Variants in TMTC4 observed in about 807,000 individuals in gnomAD.
TMTC4 encodes the protein protein O-mannosyl-transferase TMTC4.
TMTC4 carries 65 observed loss-of-function variants against 86.0 expected under a neutral mutation model. The ratio of observed to expected loss-of-function variants is 0.76; its 90% CI spans 0.62 to 0.93. The LOEUF is 0.93. Among genes scored for constraint, TMTC4 ranks in the 40% least tolerant of loss-of-function variants. TMTC4 has a pLI of 0.00. For missense variants in TMTC4, 866 were observed against 948.1 expected (o/e 0.91, Z 1.14); for synonymous variants, 379 against 382.5 (o/e 0.99, Z 0.11).
intron 2 of TMTC4, 107 bp from the exon 3 acceptor site, chr13:100,668,901 T>C: frequency 8.7e-7 from 1 of 1,152,042 alleles, no homozygotes; most frequent in Non-Finnish European, 1.2e-6. Flanking sequence ...TATGATTTTA[T>C]AGGATGTGAT....
intron 14 of TMTC4, 51 bp downstream of exon 14, chr13:100,625,734 T>C: frequency 2.5e-6 from 4 of 1,609,682 alleles, no homozygotes; most frequent in Non-Finnish European, 3.4e-6. Flanking sequence ...GATGCCGGAA[T>C]GCAGGAGCTC....
intron 17 of TMTC4, among the ~76,000 whole-genome samples, chr13:100,607,977 GGTTTCTGAGTCTCTGGGCT>G (rs1876931620): frequency 6.6e-6 from 1 of 152,080 alleles, no homozygotes; most frequent in Non-Finnish European, 1.5e-5. Flanking sequence ...GTTTCGCAGT[GGTTTCTGAGTCTCTGGGCT>G]GTTTCTGATG....
intron 15 of TMTC4, among the ~76,000 whole-genome samples, chr13:100,618,915 C>T (rs946904817): frequency 1.3e-5 from 2 of 152,212 alleles, no homozygotes; most frequent in Non-Finnish European, 1.5e-5. Context: ...GGCAACCATC[C>T]GATTTCTCAA....
intron 12 of TMTC4, among the ~76,000 whole-genome samples, chr13:100,630,019 C>CTGTGTG (rs377655969): frequency 1.5e-4 from 22 of 146,790 alleles, no homozygotes; most frequent in African/African-American, 5.2e-4. Flanking sequence ...GCCACCCAAT[C>CTGTGTG]TGTGTGTATG....
chr13:100,641,239 T>C (rs1040802409), intron 7 of TMTC4, among the ~76,000 whole-genome samples: 1 of 152,170 alleles, frequency 6.6e-6, no homozygotes, highest in African/African-American at 2.4e-5. Flanking sequence ...CTAGAAACAT[T>C]AGCACCATTA....
At chr13:100,645,567 T>G (rs1303369581) in intron 6 of TMTC4, among the ~76,000 whole-genome samples, 1 of 151,720 alleles carries the variant, frequency 6.6e-6, no homozygotes, top group Non-Finnish European at 1.5e-5. Context: ...GTGAGCCCCG[T>G]GCACCTCTCC....
rs114410939 is a variant in TMTC4, at chr13:100,605,434, T to C, written c.2135-292A>G. ...AAAAAGAAGAGTACATGCAATGTCTTAGTGCTGCCATGAAATTTCCAGGAA... is the reference window on the plus strand; with the variant it reads ...AAAAAGAAGAGTACATGCAATGTCTCAGTGCTGCCATGAAATTTCCAGGAA... On this transcript the variant is annotated intron_variant, in intron 18 of 18. Transcript: ENST00000342624. The surrounding 1 kb of genome is among the most constrained non-coding windows in gnomAD (Gnocchi z 4.3). Among the ~76,000 whole-genome samples the C allele has an allele frequency of 0.012, 1,841 of 152,256 alleles. 41 individuals are homozygous for C. The highest frequency in any genetic ancestry group is 0.041 in the African/African-American group (1,713 of 41,540).
intron 15 of TMTC4, among the ~76,000 whole-genome samples, chr13:100,619,664 T>C (rs564312747): frequency 6.6e-6 from 1 of 152,364 alleles, no homozygotes; most frequent in Admixed American, 6.5e-5. Context: ...GCTAAAGATG[T>C]TGTGGGAATT....
At chr13:100,643,316 C>T (rs538918378) in intron 6 of TMTC4, among the ~76,000 whole-genome samples, 2 of 152,344 alleles carry the variant, frequency 1.3e-5, no homozygotes, top group South Asian at 2.1e-4. Flanking sequence ...CTGGAACTCC[C>T]GGTCTGAATG....
In TMTC4 at chr13:100,603,715, C is replaced by T. The variant is rs7983121; in HGVS notation, c.*1279G>A. On this transcript the variant is annotated 3_prime_UTR_variant, in exon 19 of 19. Coordinates refer to ENST00000342624, the MANE Select transcript of TMTC4 (RefSeq NM_032813.5). ...ACACTACACAGACCTGCCCCCAACACGTGAGTCCAGAGAATCACATTCCTC... is the reference window on the plus strand; with the variant it reads ...ACACTACACAGACCTGCCCCCAACATGTGAGTCCAGAGAATCACATTCCTC... Among the ~76,000 whole-genome samples the T allele has an allele frequency of 6.6e-6, 1 of 152,216 alleles. No individual in the cohort carries two copies. The highest frequency in any genetic ancestry group is 1.5e-5 in the Non-Finnish European group (1 of 68,040).
At chr13:100,638,344 C>CT in intron 7 of TMTC4, 1 of 232,894 alleles carries the variant, frequency 4.3e-6, no homozygotes, top group Non-Finnish European at 8.4e-6. Flanking sequence ...CCCCTCCCCA[C>CT]TTTTTTTGGT....
At chr13:100,638,124 T>A (rs1246654314) in intron 7 of TMTC4, 102 bp from the exon 8 acceptor site, 1 of 827,510 alleles carries the variant, frequency 1.2e-6, no homozygotes, top group Non-Finnish European at 2.0e-6. Flanking sequence ...AAGGAACACA[T>A]AGACTAGAGA....
At chr13:100,631,717 A>C (rs1233292142) in intron 12 of TMTC4, among the ~76,000 whole-genome samples, 1 of 152,222 alleles carries the variant, frequency 6.6e-6, no homozygotes, top group Non-Finnish European at 1.5e-5. Context: ...TTCTTACTTT[A>C]TATTCAATAG....
chr13:100,618,483 T>G (rs1328127801), intron 15 of TMTC4, among the ~76,000 whole-genome samples: 2 of 148,802 alleles, frequency 1.3e-5, no homozygotes, highest in Non-Finnish European at 3.0e-5. Flanking sequence ...TCTCTCTCTC[T>G]CTCTTTTATT....
chr13:100,669,758 C>T (rs1486855065), intron 2 of TMTC4, among the ~76,000 whole-genome samples: 2 of 152,056 alleles, frequency 1.3e-5, no homozygotes, highest in Non-Finnish European at 2.9e-5. Context: ...CTCAACCTAC[C>T]CCCAAACTCG....
Position 100,603,975 on chromosome 13 carries a change from G to C in TMTC4, c.*1019C>G, listed in dbSNP as rs1415428793. ...ATTTTACTGCATAAGAAATTACAGAGATTGCATAAATCATTAGGTCAACAG... is the reference window on the plus strand; with the variant it reads ...ATTTTACTGCATAAGAAATTACAGACATTGCATAAATCATTAGGTCAACAG... On this transcript the variant is annotated 3_prime_UTR_variant, in exon 19 of 19. Transcript: ENST00000342624. The C allele has an allele frequency of 8.5e-5, 13 of 152,634 alleles. No individual in the cohort carries two copies. In the East Asian group the frequency reaches 2.3e-3, roughly 27 times the overall value. 9.5% of individuals were successfully genotyped at this position (152,634 alleles called of 1,614,324 possible). A position where few individuals can be genotyped will look rare whatever the true frequency, so the allele number is the denominator to read the frequency against.
chr13:100,667,594 A>C (rs780985795), intron 3 of TMTC4, among the ~76,000 whole-genome samples: 3 of 152,154 alleles, frequency 2.0e-5, no homozygotes, highest in Non-Finnish European at 4.4e-5. Context: ...TCTTCTCAAC[A>C]TTTTCAGTAT....
chr13:100,630,013 CCCAATCTGTGTGTATGTGTGTG>C (rs1881110245), intron 12 of TMTC4, among the ~76,000 whole-genome samples: 1 of 143,544 alleles, frequency 7.0e-6, no homozygotes, highest in Non-Finnish European at 1.5e-5. Flanking sequence ...GTCTAAGCCA[CCCAATCTGTGTGTATGTGTGTG>C]TGTGTGTGTG....
chr13:100,654,842 T>C (rs1203157253), intron 6 of TMTC4, among the ~76,000 whole-genome samples: 1 of 152,136 alleles, frequency 6.6e-6, no homozygotes, highest in Non-Finnish European at 1.5e-5. Flanking sequence ...GTCCCCCACA[T>C]GTTAAATCTA....
Sources: allele counts gnomAD v4.1 joint callset (sites outside exome capture counted in the v4.1 genomes callset), GRCh38; gene constraint gnomAD v4.1.1; non-coding constraint Gnocchi (gnomAD v3.1); transcripts MANE v1.5; gene names NCBI Gene and HGNC (gene_info 2026-07-23, HGNC 2026-07-21).